Variants in MAGI1 observed in about 807,000 individuals in gnomAD.
The protein encoded by MAGI1 is membrane-associated guanylate kinase, WW and PDZ domain-containing protein 1.
In MAGI1, 58 loss-of-function variants were observed where a neutral mutation model predicts 139.9. The observed-to-expected ratio is 0.41, with a 90% CI of 0.34 to 0.52. The LOEUF (loss-of-function observed/expected upper bound fraction) is 0.52, where lower values mean the gene tolerates loss of function less well. Ranked by LOEUF, MAGI1 falls within the 20% of genes least tolerant of loss-of-function variation. MAGI1 has a pLI of 0.12. For missense variants in MAGI1, 1,874 were observed against 1,901.6 expected, an observed-to-expected ratio of 0.99 and a Z score of 0.27; for synonymous variants, 812 against 737.9, an observed-to-expected ratio of 1.10 and a Z score of -1.63.
At chr3:65,812,587 G>A (rs115068707) in intron 1 of MAGI1, among the ~76,000 whole-genome samples, 10,502 of 150,070 alleles carry the variant, frequency 0.07, 584 homozygotes, top group Admixed American at 0.19. Context: ...AGCAAGGACC[G>A]AATAAAATTA....
intron 1 of MAGI1, among the ~76,000 whole-genome samples, chr3:65,692,029 T>C (rs760166927): frequency 3.4e-4 from 51 of 152,186 alleles, no homozygotes; most frequent in Non-Finnish European, 7.1e-4. Flanking sequence ...TTAAATATTC[T>C]GTATTTGTGA....
chr3:66,022,140 CA>C (rs1278706180), intron 1 of MAGI1, among the ~76,000 whole-genome samples: 4 of 152,282 alleles, frequency 2.6e-5, no homozygotes, highest in African/African-American at 9.6e-5. Context: ...TCCTTACAAC[CA>C]GCTGTCTTAT....
At chr3:65,636,840 G>C (rs2084654972) in intron 1 of MAGI1, among the ~76,000 whole-genome samples, 1 of 152,186 alleles carries the variant, frequency 6.6e-6, no homozygotes, top group African/African-American at 2.4e-5. Flanking sequence ...CCTGGCACTT[G>C]CCATCAAATA....
intron 1 of MAGI1, among the ~76,000 whole-genome samples, chr3:65,721,309 T>G (rs2032991773): frequency 6.6e-6 from 1 of 152,238 alleles, no homozygotes; most frequent in Non-Finnish European, 1.5e-5. Flanking sequence ...CTGGGCTCCA[T>G]GTCACTCTAC....
intron 1 of MAGI1, among the ~76,000 whole-genome samples, chr3:65,956,900 G>A (rs1282834010): frequency 3.3e-5 from 5 of 152,124 alleles, no homozygotes; most frequent in African/African-American, 1.2e-4. Flanking sequence ...TACTTGGGTG[G>A]CTGAGACAGG....
chr3:65,683,384 C>A (rs926843136), intron 1 of MAGI1, among the ~76,000 whole-genome samples: 1 of 151,606 alleles, frequency 6.6e-6, no homozygotes, highest in African/African-American at 2.4e-5. Flanking sequence ...AGGCTGTGCA[C>A]GTACAGGGGT....
chr3:65,836,543 G>A lies in MAGI1; in HGVS notation c.313+201453C>T, dbSNP rs539435686. On this transcript the variant is annotated intron_variant, in intron 1 of 22. Coordinates refer to ENST00000402939, the MANE Select transcript of MAGI1 (RefSeq NM_001033057.2). ...TTGTCTAAAGAAAGGGAAAGAGGCCGGGCGCGGTGGCTCACGCCTGTAATC... is the reference window on the plus strand; with the variant it reads ...TTGTCTAAAGAAAGGGAAAGAGGCCAGGCGCGGTGGCTCACGCCTGTAATC... Among the ~76,000 whole-genome samples the A allele has an allele frequency of 9.2e-5, 14 of 152,198 alleles. No homozygotes were observed. In the South Asian group the frequency reaches 1.9e-3, roughly 20 times the overall value.
rs200497203 is a variant in MAGI1, at chr3:65,759,065, C to CAAAAAAAAAA, written c.314-136987_314-136978dup. 9.6e-5 allele frequency among the ~76,000 whole-genome samples: 7 copies of CAAAAAAAAAA among 73,082 alleles called. 1 individual carries two copies. The highest frequency in any genetic ancestry group is 3.8e-4 in the African/African-American group (7 of 18,332). 47.9% of individuals were successfully genotyped at this position (73,082 alleles called of 152,430 possible). On this transcript the variant is annotated intron_variant, in intron 1 of 22. Coordinates refer to ENST00000402939, the MANE Select transcript of MAGI1 (RefSeq NM_001033057.2). ...GAAAGGAGAACTGTTAGGCCCAGTG[C>CAAAAAAAAAA]AAAAAAAAAAAAAAAAAAAAAAAAA...
At position 65,661,707 on chromosome 3, in the gene MAGI1, ATC is replaced by A. The variant is rs202143482; in HGVS notation, c.314-39621_314-39620del. On this transcript the variant is annotated intron_variant, in intron 1 of 22. Transcript: ENST00000402939. ...ACCTGTTTTTAGTATTCTTAAAATC[ATC>A]TTTGTATTTCTTTTTTTGTTGTTTT... 4.1e-3 allele frequency among the ~76,000 whole-genome samples: 588 copies of A among 143,262 alleles called. 2 individuals are homozygous for A. The highest frequency in any genetic ancestry group is 0.014 in the African/African-American group (557 of 38,708). 94.0% of individuals were successfully genotyped at this position (143,262 alleles called of 152,430 possible).
intron 1 of MAGI1, among the ~76,000 whole-genome samples, chr3:65,683,922 TG>T (rs2087789378): frequency 6.7e-6 from 1 of 149,766 alleles, no homozygotes; most frequent in South Asian, 2.1e-4. Flanking sequence ...TGCAGCACTT[TG>T]GGAGGCCAAG....
intron 1 of MAGI1, among the ~76,000 whole-genome samples, chr3:65,647,723 A>C (rs1462699267): frequency 6.6e-6 from 1 of 152,238 alleles, no homozygotes; most frequent in African/African-American, 2.4e-5. Flanking sequence ...AAAAACTTTA[A>C]GAAAACTACA....
chr3:65,618,050 C>T (rs1445191574), intron 2 of MAGI1, among the ~76,000 whole-genome samples: 1 of 152,126 alleles, frequency 6.6e-6, no homozygotes, highest in East Asian at 1.9e-4. Flanking sequence ...CAACGGAGGA[C>T]TTCGTGGAGG....
At chr3:65,368,541 G>C (rs1182074013) in intron 18 of MAGI1, among the ~76,000 whole-genome samples, 1 of 152,142 alleles carries the variant, frequency 6.6e-6, no homozygotes, top group African/African-American at 2.4e-5. Flanking sequence ...TTCTAACCTT[G>C]TTCCCATATT....
chr3:65,942,474 G>A (rs1375843264), intron 1 of MAGI1, among the ~76,000 whole-genome samples: 1 of 151,956 alleles, frequency 6.6e-6, no homozygotes, highest in Non-Finnish European at 1.5e-5. Context: ...ATTACCCGGG[G>A]GCCAGAAAAA....
intron 1 of MAGI1, among the ~76,000 whole-genome samples, chr3:66,011,098 C>T (rs2067298161): frequency 6.6e-6 from 1 of 152,222 alleles, no homozygotes; most frequent in Admixed American, 6.5e-5. Context: ...TCAGACTTTT[C>T]TTCCAGCTGA....
intron 1 of MAGI1, among the ~76,000 whole-genome samples, chr3:65,745,557 G>A (rs2035630780): frequency 6.6e-6 from 1 of 152,200 alleles, no homozygotes; most frequent in African/African-American, 2.4e-5. Context: ...AGTCCCTTAG[G>A]AAACCAGGCA....
intron 1 of MAGI1, among the ~76,000 whole-genome samples, chr3:65,837,987 C>T (rs1412404854): frequency 6.6e-6 from 1 of 152,148 alleles, no homozygotes; most frequent in Non-Finnish European, 1.5e-5. Flanking sequence ...CACCCAGATT[C>T]CCCCATAGGT....
At chr3:65,542,448 G>A (rs931274188) in intron 2 of MAGI1, among the ~76,000 whole-genome samples, 13 of 149,934 alleles carry the variant, frequency 8.7e-5, no homozygotes, top group African/African-American at 2.2e-4. Flanking sequence ...CCCAAAAAGT[G>A]CAATCCTAAG....
At chr3:65,995,856 C>T (rs2066418348) in intron 1 of MAGI1, among the ~76,000 whole-genome samples, 2 of 152,170 alleles carry the variant, frequency 1.3e-5, no homozygotes, top group East Asian at 1.9e-4. Flanking sequence ...AAGCTAGCTG[C>T]GTGTGGTAGC....
Sources: gnomAD v4.1 joint callset for allele counts (sites outside exome capture counted in the v4.1 genomes callset) on GRCh38, gnomAD v4.1.1 for gene constraint, MANE v1.5 for transcripts, NCBI Gene and HGNC (gene_info 2026-07-23, HGNC 2026-07-21) for gene names.